Variants in ZKSCAN5 observed in about 807,000 individuals in gnomAD.
ZKSCAN5 encodes zinc finger with KRAB and SCAN domains 5.
A neutral mutation model predicts 60.0 loss-of-function variants in ZKSCAN5; 28 were observed. That is an observed-to-expected ratio of 0.47 (90% CI 0.35 to 0.64). ZKSCAN5 has a LOEUF of 0.64. ZKSCAN5 is among the 30% of genes least tolerant of loss of function. The probability of loss-of-function intolerance (pLI) is 0.01; values close to 1 mark genes in which losing one functional copy is unlikely to be tolerated. For synonymous variants in ZKSCAN5, 361 were observed against 371.2 expected (o/e 0.97, Z 0.31); for missense variants, 881 against 1,034.6 (o/e 0.85, Z 2.04).
chr7:99,507,390 CAT>C (rs1349314127), intron 2 of ZKSCAN5, among the ~76,000 whole-genome samples: 1 of 151,610 alleles, frequency 6.6e-6, no homozygotes. Flanking sequence ...GACTATCTCA[CAT>C]ATATGTCTGT....
chr7:99,521,752 A>C (rs1801547798), intron 5 of ZKSCAN5, among the ~76,000 whole-genome samples: 1 of 151,972 alleles, frequency 6.6e-6, no homozygotes, highest in African/African-American at 2.4e-5. Context: ...GAAAAAAATC[A>C]AATTTATGCT....
chr7:99,507,461 G>A (rs1311655234), intron 2 of ZKSCAN5, among the ~76,000 whole-genome samples: 1 of 148,996 alleles, frequency 6.7e-6, no homozygotes, highest in Non-Finnish European at 1.5e-5. Flanking sequence ...GTATATATAT[G>A]CGTATATATG....
At position 99,517,297 on chromosome 7, in the gene ZKSCAN5, C is replaced by T. The variant is rs62471901; in HGVS notation, c.554-2530C>T. On this transcript the variant is annotated intron_variant, in intron 3 of 6. Coordinates refer to ENST00000326775, the MANE Select transcript of ZKSCAN5 (RefSeq NM_145102.4). ...CAGGCTGGTCTTGTACTCCCAGCCT[C>T]GGGTGATCCACCCTCATCAGCCTCC... Among the ~76,000 whole-genome samples, 753 of 152,202 alleles carry T rather than the reference C, an allele frequency of 4.9e-3. 3 individuals are homozygous for T. The highest frequency in any genetic ancestry group is 8.0e-3 in the Non-Finnish European group (544 of 68,000).
intron 5 of ZKSCAN5, among the ~76,000 whole-genome samples, chr7:99,523,702 T>C (rs763180697): frequency 1.3e-5 from 2 of 152,184 alleles, no homozygotes; most frequent in Non-Finnish European, 2.9e-5. Flanking sequence ...ATTAGCTGCA[T>C]AGTTAAATGA....
intron 5 of ZKSCAN5, among the ~76,000 whole-genome samples, chr7:99,524,900 G>A (rs1240695337): frequency 6.6e-6 from 1 of 151,976 alleles, no homozygotes; most frequent in Non-Finnish European, 1.5e-5. Flanking sequence ...TGGGCGCGGT[G>A]GCTCATGTCT....
Position 99,533,216 on chromosome 7 carries a change from A to G in ZKSCAN5, c.*967A>G, listed in dbSNP as rs1049117831. The G allele has an allele frequency of 2.9e-5, 19 of 664,412 alleles. No homozygotes were observed. The highest frequency in any genetic ancestry group is 1.1e-5 in the Non-Finnish European group (4 of 360,930). 41.2% of individuals were successfully genotyped at this position (664,412 alleles called of 1,614,324 possible). On this transcript the variant is annotated 3_prime_UTR_variant, in exon 7 of 7. Transcript: ENST00000326775. ...AGTGGTGATATACAGAATGAGTTTC[A>G]GTTTGCATTGCAGCTGGGATTGAAA...
chr7:99,509,884 G>A (rs555441667), intron 2 of ZKSCAN5, among the ~76,000 whole-genome samples: 1 of 152,272 alleles, frequency 6.6e-6, no homozygotes, highest in East Asian at 1.9e-4. Context: ...TCTGTCATAG[G>A]AGTTGTAAGC....
intron 2 of ZKSCAN5, among the ~76,000 whole-genome samples, chr7:99,509,686 T>C (rs1800932055): frequency 6.6e-6 from 1 of 151,020 alleles, no homozygotes; most frequent in African/African-American, 2.4e-5. Context: ...CAGGATGGTC[T>C]CGATATCCTG....
chr7:99,533,165 GC>G lies in ZKSCAN5; in HGVS notation c.*920del. 1.8e-6 allele frequency: 1 copy of G among 546,896 alleles called. No homozygotes were observed. The highest frequency in any genetic ancestry group is 3.5e-6 in the Non-Finnish European group (1 of 284,272). The allele number at this position is 546,896 out of a possible 1,614,324, so 33.9% of individuals were successfully genotyped here. A position where few individuals can be genotyped will look rare whatever the true frequency, so the allele number is the denominator to read the frequency against. ...GCAGTATGTGTGCTGACTTCTGGGTGCCCCAGAAATAGACCTCTCCTGTAGA... is the reference window on the plus strand; with the variant it reads ...GCAGTATGTGTGCTGACTTCTGGGTGCCCAGAAATAGACCTCTCCTGTAGA... On this transcript the variant is annotated 3_prime_UTR_variant, in exon 7 of 7. Coordinates refer to ENST00000326775, the MANE Select transcript of ZKSCAN5 (RefSeq NM_145102.4).
chr7:99,508,840 G>T (rs1172366109), intron 2 of ZKSCAN5, among the ~76,000 whole-genome samples: 2 of 145,962 alleles, frequency 1.4e-5, no homozygotes, highest in Non-Finnish European at 3.0e-5. Flanking sequence ...TGGAGACAAG[G>T]TCTTACTCTG....
rs796377235 is a variant in ZKSCAN5, at chr7:99,532,176, T to G, written c.2447T>G (p.Leu816Arg). Reference sequence around the variant, plus strand: ...ATGAATTTCAGCTGGAGTTGTAGCCTCTTTAAACACCTGAGAAGCCATGAG... The same window carrying G: ...ATGAATTTCAGCTGGAGTTGTAGCCGCTTTAAACACCTGAGAAGCCATGAG... ...CGMNFSWSCSLFKHLRSHERT... is the reference protein window; with the variant it reads ...CGMNFSWSCSRFKHLRSHERT... The change falls in exon 7 of 7, where the codon CTC becomes CGC. Residue 816 changes from leucine (L) to arginine (R), a missense_variant. Physicochemically the swap from Leu to Arg is moderately radical, Grantham distance 102. Coordinates refer to ENST00000326775, the MANE Select transcript of ZKSCAN5 (RefSeq NM_145102.4). The G allele has an allele frequency of 2.5e-6, 4 of 1,613,460 alleles. No individual in the cohort carries two copies. Among genetic ancestry groups the G allele is most frequent in the South Asian group, 2.2e-5 (2 of 91,034 alleles).
chr7:99,511,538 G>C (rs1801026241), intron 2 of ZKSCAN5, among the ~76,000 whole-genome samples: 1 of 151,910 alleles, frequency 6.6e-6, no homozygotes, highest in African/African-American at 2.4e-5. Context: ...GACCTCCTGG[G>C]CTCAAGCGAT....
chr7:99,513,950 C>T (rs1363807546), intron 3 of ZKSCAN5, among the ~76,000 whole-genome samples: 1 of 152,086 alleles, frequency 6.6e-6, no homozygotes, highest in Non-Finnish European at 1.5e-5. Flanking sequence ...GAGGCTGAGG[C>T]ATGAGAATCG....
At chr7:99,506,841 C>A (rs1800755850) in intron 2 of ZKSCAN5, among the ~76,000 whole-genome samples, 1 of 149,838 alleles carries the variant, frequency 6.7e-6, no homozygotes, top group Admixed American at 6.7e-5. Flanking sequence ...CGCCACCAGG[C>A]CCGGCTAATT....
chr7:99,533,133 G>A lies in ZKSCAN5; in HGVS notation c.*884G>A. On this transcript the variant is annotated 3_prime_UTR_variant, in exon 7 of 7. Transcript: ENST00000326775. Reference sequence around the variant, plus strand: ...TGGACCAAGGCGAATTACGAGTCCTGGTCCCAGCAGTATGTGTGCTGACTT... The same window carrying A: ...TGGACCAAGGCGAATTACGAGTCCTAGTCCCAGCAGTATGTGTGCTGACTT... 2.2e-6 allele frequency: 1 copy of A among 460,540 alleles called. No homozygotes were observed. 28.5% of individuals were successfully genotyped at this position (460,540 alleles called of 1,614,324 possible). A position where few individuals can be genotyped will look rare whatever the true frequency, so the allele number is the denominator to read the frequency against.
Position 99,526,099 on chromosome 7 carries a change from A to G in ZKSCAN5, c.1059A>G (p.Lys353=), listed in dbSNP as rs1195681191. 6.2e-7 allele frequency: 1 copy of G among 1,614,202 alleles called. No homozygotes were observed. The highest frequency in any genetic ancestry group is 1.1e-5 in the South Asian group (1 of 91,080). The change falls in exon 6 of 7, where the codon AAA becomes AAG. Residue 353 remains lysine (K), a synonymous_variant. Transcript: ENST00000326775. ...ERGHRCSDCG[K]FFLQASNFIQ... Reference sequence around the variant, plus strand: ...GGCACAGATGCAGCGATTGTGGCAAATTCTTCCTCCAAGCCTCAAACTTTA... The same window carrying G: ...GGCACAGATGCAGCGATTGTGGCAAGTTCTTCCTCCAAGCCTCAAACTTTA...
rs1287154851 is a variant in ZKSCAN5 at position 99,518,181 on chromosome 7, C to T, written c.554-1646C>T. The stretch of plus-strand genomic sequence containing the variant: ...CAGTGGCTCACACCTGTAATCCCAG[C>T]ACTTTGGGAGGCCATTGCAGGTGAA... On this transcript the variant is annotated intron_variant, in intron 3 of 6. Transcript: ENST00000326775. Among the ~76,000 whole-genome samples the T allele has an allele frequency of 3.9e-5, 6 of 152,098 alleles. No individual in the cohort carries two copies. In the East Asian group the frequency reaches 9.6e-4, roughly 24 times the overall value.
intron 6 of ZKSCAN5, among the ~76,000 whole-genome samples, chr7:99,528,041 C>A (rs985193467): frequency 6.6e-6 from 1 of 151,548 alleles, no homozygotes; most frequent in African/African-American, 2.4e-5. Context: ...TGAATGAGAT[C>A]GTCATAAACT....
At chr7:99,525,488 C>T (rs376912591) in intron 5 of ZKSCAN5, among the ~76,000 whole-genome samples, 1 of 151,824 alleles carries the variant, frequency 6.6e-6, no homozygotes, top group Non-Finnish European at 1.5e-5. Context: ...CACACATACA[C>T]GCGCGCGCGC....
Sources: allele counts gnomAD v4.1 joint callset (sites outside exome capture counted in the v4.1 genomes callset), GRCh38; gene constraint gnomAD v4.1.1; transcripts MANE v1.5; gene names NCBI Gene and HGNC (gene_info 2026-07-23, HGNC 2026-07-21).